The following TTC29 variants were observed in gnomAD, a reference collection of about 807,000 sequenced individuals.
TTC29 encodes the protein tetratricopeptide repeat protein 29.
A neutral mutation model predicts 58.1 loss-of-function variants in TTC29; 49 were observed. The observed-to-expected ratio is 0.84, with a 90% CI of 0.67 to 1.07. The LOEUF (loss-of-function observed/expected upper bound fraction) is 1.07, where lower values mean the gene tolerates loss of function less well. Among genes scored for constraint, TTC29 ranks in the 50% least tolerant of loss-of-function variants. The pLI is 0.00. For synonymous variants in TTC29, 209 were observed against 196.8 expected (o/e 1.06, Z -0.52); for missense variants, 582 against 555.6 (o/e 1.05, Z -0.48).
chr4:146,846,547 G>A (rs966134980), intron 8 of TTC29, among the ~76,000 whole-genome samples: 5 of 152,178 alleles, frequency 3.3e-5, no homozygotes, highest in African/African-American at 1.2e-4. Context: ...CTAGCATGGT[G>A]ACAAGTCTCT....
chr4:146,853,410 TTTCA>T (rs1272628127), intron 8 of TTC29, among the ~76,000 whole-genome samples: 2 of 152,180 alleles, frequency 1.3e-5, no homozygotes, highest in African/African-American at 2.4e-5. Flanking sequence ...TCAGTAATAC[TTTCA>T]TTGTTATAAA....
intron 11 of TTC29, among the ~76,000 whole-genome samples, chr4:146,727,396 T>C (rs1460067068): frequency 6.6e-6 from 1 of 152,194 alleles, no homozygotes; most frequent in African/African-American, 2.4e-5. Flanking sequence ...TCACTTTTGG[T>C]GTTACACATT....
At chr4:146,832,641 T>TTGTGTGTGTGTGTGTGTGTGTG (rs201136243) in intron 9 of TTC29, among the ~76,000 whole-genome samples, 21 of 149,294 alleles carry the variant, frequency 1.4e-4, no homozygotes, top group African/African-American at 5.2e-4. Context: ...CCAACTAATT[T>TTGTGTGTGTGTGTGTGTGTGTG]TGTGTGTGTG....
intron 11 of TTC29, among the ~76,000 whole-genome samples, chr4:146,738,641 G>C (rs1396317964): frequency 1.3e-5 from 2 of 151,990 alleles, no homozygotes; most frequent in Non-Finnish European, 2.9e-5. Flanking sequence ...TCATAATGTT[G>C]GAGTGTTAGG....
chr4:146,759,396 C>T (rs1435513364), intron 11 of TTC29, among the ~76,000 whole-genome samples: 5 of 151,890 alleles, frequency 3.3e-5, no homozygotes, highest in Admixed American at 3.3e-4. Flanking sequence ...CACTATTTCA[C>T]AAGATAGAGA....
At chr4:146,919,220 C>T (rs971491101) in intron 4 of TTC29, among the ~76,000 whole-genome samples, 1 of 151,100 alleles carries the variant, frequency 6.6e-6, no homozygotes, top group Non-Finnish European at 1.5e-5. Context: ...ACTCCAAACA[C>T]CTTTGGCTAA....
rs182402951 is a variant in TTC29, at chr4:146,762,169, A to C, written c.1330+41288T>G. ...GAAAAATAGAACTGATCTTGAATCC[A>C]CAGAGCTCCATCATTTTCACAAAAA... On this transcript the variant is annotated intron_variant, in intron 11 of 12. Coordinates refer to ENST00000325106, the MANE Select transcript of TTC29 (RefSeq NM_031956.4). Among the ~76,000 whole-genome samples, 9 of 152,056 alleles carry C rather than the reference A, an allele frequency of 5.9e-5. No homozygotes were observed. The East Asian group carries it at 1.7e-3, about 29-fold the overall frequency.
At chr4:146,909,921 G>A (rs984073361) in intron 4 of TTC29, among the ~76,000 whole-genome samples, 1 of 151,968 alleles carries the variant, frequency 6.6e-6, no homozygotes, top group Non-Finnish European at 1.5e-5. Flanking sequence ...CCCTTGTGAC[G>A]CTTACATTCT....
chr4:146,749,690 TA>T lies in TTC29; in HGVS notation c.1331-42140del, dbSNP rs1224540716. On this transcript the variant is annotated intron_variant, in intron 11 of 12. Transcript: ENST00000325106. ...ATAAGGACATCCAGATTGATGAAAC[TA>T]AAAATGTTCTCAAGTAGATTCAACG... Among the ~76,000 whole-genome samples the T allele has an allele frequency of 9.2e-5, 14 of 152,238 alleles. No homozygotes were observed. In the East Asian group the frequency reaches 2.7e-3, roughly 29 times the overall value.
At chr4:146,710,949 T>C (rs1742446266) in intron 11 of TTC29, among the ~76,000 whole-genome samples, 1 of 152,116 alleles carries the variant, frequency 6.6e-6, no homozygotes, top group South Asian at 2.1e-4. Context: ...AATATTTATA[T>C]TATACAGTAT....
intron 11 of TTC29, among the ~76,000 whole-genome samples, chr4:146,756,460 T>G (rs1480675455): frequency 1.3e-5 from 2 of 152,160 alleles, no homozygotes; most frequent in Non-Finnish European, 2.9e-5. Flanking sequence ...AGAAATATTT[T>G]GTGAAGACTG....
At chr4:146,859,589 AT>A (rs1730094879) in intron 8 of TTC29, among the ~76,000 whole-genome samples, 1 of 152,090 alleles carries the variant, frequency 6.6e-6, no homozygotes, top group Admixed American at 6.6e-5. Context: ...AACAGTTATA[AT>A]TTTTCAGAGG....
intron 11 of TTC29, among the ~76,000 whole-genome samples, chr4:146,751,739 T>A (rs1487799410): frequency 6.6e-6 from 1 of 151,392 alleles, no homozygotes; most frequent in Non-Finnish European, 1.5e-5. Flanking sequence ...AACACTTACA[T>A]TAAAAAAGAT....
At chr4:146,719,011 C>T (rs1375728111) in intron 11 of TTC29, among the ~76,000 whole-genome samples, 5 of 152,032 alleles carry the variant, frequency 3.3e-5, no homozygotes, top group African/African-American at 4.8e-5. Flanking sequence ...ATCAATTGAC[C>T]ATACACACAT....
chr4:146,925,675 T>G lies in TTC29; in HGVS notation c.176+11919A>C, dbSNP rs577158149. On this transcript the variant is annotated intron_variant, in intron 4 of 12. Transcript: ENST00000325106. ...AGAAAACAATTCCCTTAATCAGCAATGCATTTCTTTGGCTACTTTGATTAT... is the reference window on the plus strand; with the variant it reads ...AGAAAACAATTCCCTTAATCAGCAAGGCATTTCTTTGGCTACTTTGATTAT... 2.0e-5 allele frequency among the ~76,000 whole-genome samples: 3 copies of G among 152,238 alleles called. No homozygotes were observed. In the South Asian group the frequency reaches 6.2e-4, roughly 32 times the overall value.
chr4:146,762,066 T>A (rs1216381650), intron 11 of TTC29, among the ~76,000 whole-genome samples: 1 of 151,980 alleles, frequency 6.6e-6, no homozygotes, highest in Non-Finnish European at 1.5e-5. Context: ...GTTATTCAAT[T>A]TTATCTCTGC....
chr4:146,764,363 G>A (rs1401414510), intron 11 of TTC29, among the ~76,000 whole-genome samples: 1 of 151,972 alleles, frequency 6.6e-6, no homozygotes, highest in East Asian at 1.9e-4. Flanking sequence ...CGAGAGAGAT[G>A]CAGCCTTAAC....
chr4:146,798,743 C>T (rs1312843298), intron 11 of TTC29, among the ~76,000 whole-genome samples: 3 of 151,380 alleles, frequency 2.0e-5, no homozygotes, highest in Admixed American at 2.0e-4. Context: ...AAAAATTAGC[C>T]AGGTATTGGG....
chr4:146,739,153 TTATA>T (rs1445859502), intron 11 of TTC29, among the ~76,000 whole-genome samples: 2 of 152,186 alleles, frequency 1.3e-5, no homozygotes, highest in Non-Finnish European at 2.9e-5. Context: ...GATAACTAGA[TTATA>T]TAAACTGTCT....
Sources: gnomAD v4.1 joint callset for allele counts (sites outside exome capture counted in the v4.1 genomes callset) on GRCh38, gnomAD v4.1.1 for gene constraint, MANE v1.5 for transcripts, NCBI Gene and HGNC (gene_info 2026-07-23, HGNC 2026-07-21) for gene names.